DLGAP2: variants seen among roughly 807,000 people sequenced by gnomAD.
DLGAP2 encodes DLG associated protein 2.
In DLGAP2, 26 loss-of-function variants were observed where a neutral mutation model predicts 100.3. That is an observed-to-expected ratio of 0.26 (90% CI 0.19 to 0.36). DLGAP2 has a LOEUF of 0.36. DLGAP2 is among the 10% of genes least tolerant of loss of function. DLGAP2 has a pLI of 1.00. For missense variants in DLGAP2, 1,858 were observed against 1,453.2 expected, an observed-to-expected ratio of 1.28 and a Z score of -4.53; for synonymous variants, 886 against 630.1, an observed-to-expected ratio of 1.41 and a Z score of -6.08.
At chr8:1,085,168 G>C (rs1408682406) in intron 2 of DLGAP2, among the ~76,000 whole-genome samples, 1 of 152,202 alleles carries the variant, frequency 6.6e-6, no homozygotes, top group Admixed American at 6.5e-5. Flanking sequence ...CTTCTTTTGA[G>C]AAATGTGTGT....
At chr8:1,098,366 C>T (rs942705724) in intron 2 of DLGAP2, among the ~76,000 whole-genome samples, 1 of 152,242 alleles carries the variant, frequency 6.6e-6, no homozygotes, top group Admixed American at 6.5e-5. Context: ...AACCCTGGAA[C>T]GCGCTTCTGG....
intron 3 of DLGAP2, among the ~76,000 whole-genome samples, chr8:1,279,730 T>A (rs1330895322): frequency 6.6e-6 from 1 of 152,182 alleles, no homozygotes; most frequent in Admixed American, 6.5e-5. Flanking sequence ...TATTTCCTTG[T>A]GGCTGTAGGA....
chr8:1,007,556 C>G (rs1801154745), intron 2 of DLGAP2, among the ~76,000 whole-genome samples: 1 of 151,296 alleles, frequency 6.6e-6, no homozygotes, highest in Non-Finnish European at 1.5e-5. Context: ...GCCATGTGGC[C>G]ATAGTCTGGC....
chr8:1,272,441 C>T (rs572886796), intron 3 of DLGAP2, among the ~76,000 whole-genome samples: 6 of 151,550 alleles, frequency 4.0e-5, no homozygotes, highest in South Asian at 2.1e-4. Flanking sequence ...AAGTTATGTA[C>T]GTATCTATAT....
At chr8:1,196,715 C>T (rs1022151699) in intron 2 of DLGAP2, among the ~76,000 whole-genome samples, 1 of 152,130 alleles carries the variant, frequency 6.6e-6, no homozygotes, top group Non-Finnish European at 1.5e-5. Flanking sequence ...AGCAGCCGCA[C>T]GTTGTCAGTG....
intron 1 of DLGAP2, among the ~76,000 whole-genome samples, chr8:879,334 C>T (rs534988018): frequency 1.4e-4 from 22 of 152,254 alleles, no homozygotes; most frequent in African/African-American, 3.6e-4. Context: ...GGACATTCAC[C>T]GAAATGACAC....
intron 3 of DLGAP2, among the ~76,000 whole-genome samples, chr8:1,345,889 G>C: frequency 6.6e-6 from 1 of 152,324 alleles, no homozygotes; most frequent in East Asian, 1.9e-4. Context: ...CCTATAGGAA[G>C]GAAGCAAACT....
intron 3 of DLGAP2, among the ~76,000 whole-genome samples, chr8:1,323,329 C>T (rs1338768360): frequency 6.6e-6 from 1 of 152,182 alleles, no homozygotes; most frequent in Non-Finnish European, 1.5e-5. Flanking sequence ...TGCACCCGGC[C>T]TGAAACTCAC....
chr8:997,588 A>C (rs1800817238), intron 2 of DLGAP2, among the ~76,000 whole-genome samples: 1 of 152,230 alleles, frequency 6.6e-6, no homozygotes, highest in African/African-American at 2.4e-5. Flanking sequence ...CATAAAATGT[A>C]ACTATTTGAT....
At chr8:1,555,726 C>T (rs530262481) in intron 5 of DLGAP2, among the ~76,000 whole-genome samples, 29 of 152,336 alleles carry the variant, frequency 1.9e-4, no homozygotes, top group African/African-American at 6.3e-4. Context: ...GCAGGGAGAT[C>T]GCTGGGCTGT....
intron 1 of DLGAP2, among the ~76,000 whole-genome samples, chr8:836,599 C>G (rs1345235643): frequency 6.6e-6 from 1 of 152,176 alleles, no homozygotes; most frequent in African/African-American, 2.4e-5. Flanking sequence ...AAAGCCCGAG[C>G]TGGAGAACGC....
chr8:1,292,266 C>T (rs1464305630), intron 3 of DLGAP2, among the ~76,000 whole-genome samples: 1 of 152,188 alleles, frequency 6.6e-6, no homozygotes, highest in Admixed American at 6.5e-5. Context: ...TCCCTCTGCC[C>T]TGGCTCTTTC....
intron 2 of DLGAP2, among the ~76,000 whole-genome samples, chr8:1,084,435 C>G (rs1427321847): frequency 6.6e-6 from 1 of 152,136 alleles, no homozygotes; most frequent in Non-Finnish European, 1.5e-5. Flanking sequence ...GTAAAATACT[C>G]AATAATTAGC....
At chr8:747,534 G>C (rs982296607) in intron 1 of DLGAP2, among the ~76,000 whole-genome samples, 1 of 139,050 alleles carries the variant, frequency 7.2e-6, no homozygotes, top group African/African-American at 2.7e-5. Flanking sequence ...GGTGACCTTT[G>C]AAGTAGGACG....
intron 1 of DLGAP2, among the ~76,000 whole-genome samples, chr8:770,329 G>A (rs12545531): frequency 0.12 from 17,510 of 152,062 alleles, 1,130 homozygotes; most frequent in East Asian, 0.29. Flanking sequence ...CGTGTCCTCC[G>A]CCTCCCACCC....
rs150214260 is a variant in DLGAP2 at position 1,525,750 on chromosome 8, T to C, written c.173-22876T>C. On this transcript the variant is annotated intron_variant, in intron 4 of 14. Transcript: ENST00000637795. ...AATGCCCCAAATCACCTGTGTGGTG[T>C]TGGGCAGTGATGGAGCCTAGGTGTA... 1.0e-3 allele frequency among the ~76,000 whole-genome samples: 159 copies of C among 152,336 alleles called. 1 individual carries two copies. Among genetic ancestry groups the C allele is most frequent in the African/African-American group, 3.6e-3 (149 of 41,572 alleles).
At chr8:1,151,186 C>T (rs1176845240) in intron 2 of DLGAP2, among the ~76,000 whole-genome samples, 1 of 152,186 alleles carries the variant, frequency 6.6e-6, no homozygotes, top group Non-Finnish European at 1.5e-5. Context: ...GGAAGAAAAA[C>T]TTTTCCTCTA....
intron 6 of DLGAP2, among the ~76,000 whole-genome samples, chr8:1,606,843 C>G (rs369368694): frequency 6.6e-6 from 1 of 152,116 alleles, no homozygotes; most frequent in Non-Finnish European, 1.5e-5. Flanking sequence ...ACCACCACAC[C>G]CAGCTAAGTT....
chr8:1,575,972 G>A (rs552699184), intron 6 of DLGAP2, among the ~76,000 whole-genome samples: 64 of 152,152 alleles, frequency 4.2e-4, no homozygotes, highest in South Asian at 2.3e-3. Flanking sequence ...TAGTCCTTCC[G>A]GTATATACCC....
Sources: allele counts gnomAD v4.1 joint callset (sites outside exome capture counted in the v4.1 genomes callset), GRCh38; gene constraint gnomAD v4.1.1; transcripts MANE v1.5; gene names NCBI Gene and HGNC (gene_info 2026-07-23, HGNC 2026-07-21).